PLS3: variants seen among roughly 807,000 people sequenced by gnomAD.
The protein encoded by PLS3 is plastin-3.
In PLS3, 11 loss-of-function variants were observed where a neutral mutation model predicts 46.5. That is an observed-to-expected ratio of 0.24 (90% CI 0.15 to 0.39). The LOEUF (loss-of-function observed/expected upper bound fraction) is 0.39, where lower values mean the gene tolerates loss of function less well. Ranked by LOEUF, PLS3 falls within the 10% of genes least tolerant of loss-of-function variation. PLS3 has a pLI of 1.00. For missense variants in PLS3, 308 were observed against 461.8 expected (o/e 0.67, Z 3.05); for synonymous variants, 167 against 162.2 (o/e 1.03, Z -0.22).
chrX:115,567,742 C>G (rs182772785), intron 1 of PLS3, among the ~76,000 whole-genome samples: 144 of 84,142 alleles, frequency 1.7e-3, no homozygotes, highest in African/African-American at 6.1e-3. Context: ...GTCAGGTTCT[C>G]ACTCTGTCGC....
rs782720139 is a variant in PLS3, at chrX:115,598,120, G to A, written c.-8-12123G>A. On this transcript the variant is annotated intron_variant, in intron 1 of 15. Coordinates refer to ENST00000355899, the MANE Select transcript of PLS3 (RefSeq NM_005032.7). ...GTTCAAGACCAACCTGGAGAACATG[G>A]CAAAACCCCATCTCTCCAAAAAATA... Among the ~76,000 whole-genome samples, 6 of 108,811 alleles carry A rather than the reference G, an allele frequency of 5.5e-5. No homozygotes were observed. The East Asian group carries it at 1.7e-3, about 31-fold the overall frequency. 94.5% of individuals were successfully genotyped at this position (108,811 alleles called of 115,157 possible).
intron 7 of PLS3, among the ~76,000 whole-genome samples, chrX:115,635,650 C>CA (rs10606256): frequency 0.03 from 644 of 21,414 alleles, 18 homozygotes; most frequent in Non-Finnish European, 0.048. Context: ...GACTCTGTCT[C>CA]AAAAAAAAAA....
At chrX:115,633,958 T>C in intron 5 of PLS3, 42 bp from the exon 6 acceptor site, 1 of 675,870 alleles carries the variant, frequency 1.5e-6, no homozygotes, top group Middle Eastern at 3.1e-4. Flanking sequence ...GGAAATCAGC[T>C]CTTTTTTTTT....
intron 2 of PLS3, among the ~76,000 whole-genome samples, chrX:115,613,995 G>A: frequency 9.2e-6 from 1 of 108,414 alleles, no homozygotes; most frequent in South Asian, 3.8e-4. Flanking sequence ...TTTTTGAGAC[G>A]GAGTCTCGCT....
chrX:115,601,389 TTCAGGAGATTA>T (rs1471601339), intron 1 of PLS3, among the ~76,000 whole-genome samples: 3 of 108,840 alleles, frequency 2.8e-5, no homozygotes, highest in Admixed American at 2.0e-4. Flanking sequence ...AGATCCGCTC[TTCAGGAGATTA>T]TCAGGAGATT....
chrX:115,605,512 G>A (rs1234364802), intron 1 of PLS3, among the ~76,000 whole-genome samples: 4 of 111,550 alleles, frequency 3.6e-5, no homozygotes, highest in Admixed American at 1.9e-4. Context: ...CTGGAGTGCA[G>A]TGACGTTCTC....
At chrX:115,581,111 C>T (rs895588275) in intron 1 of PLS3, among the ~76,000 whole-genome samples, 4 of 111,471 alleles carry the variant, frequency 3.6e-5, no homozygotes, top group Non-Finnish European at 7.5e-5. Context: ...TTCTAAATCA[C>T]TAATATGTTT....
intron 2 of PLS3, among the ~76,000 whole-genome samples, chrX:115,617,393 C>A (rs1433991994): frequency 9.0e-6 from 1 of 111,553 alleles, no homozygotes; most frequent in African/African-American, 3.3e-5. Flanking sequence ...AGGGATATTT[C>A]TGTCAAGTTT....
chrX:115,580,753 G>GT (rs2074275368), intron 1 of PLS3, among the ~76,000 whole-genome samples: 2 of 112,430 alleles, frequency 1.8e-5, no homozygotes. Context: ...CATATGTAAT[G>GT]TTAATAAAGT....
In PLS3 at chrX:115,643,523, C is replaced by CA; in HGVS notation, c.1183+17dup. ...TCTATTAGAAGGTAACTAAAAACCT[C>CA]AATTTCGAATGTGTGGGACTATAGA... On this transcript the variant is annotated intron_variant, in intron 10 of 15. Transcript: ENST00000355899. 9.8e-7 allele frequency: 1 copy of CA among 1,015,336 alleles called. No homozygotes were observed. Among genetic ancestry groups the CA allele is most frequent in the Non-Finnish European group, 1.4e-6 (1 of 719,188 alleles). 83.7% of individuals were successfully genotyped at this position (1,015,336 alleles called of 1,213,427 possible).
At chrX:115,614,309 A>G in intron 2 of PLS3, 1 of 753,374 alleles carries the variant, frequency 1.3e-6, no homozygotes, top group Non-Finnish European at 1.6e-6. Context: ...CAGCAGGGGA[A>G]AAATGATGGC....
chrX:115,566,457 C>T (rs1311047997), intron 1 of PLS3, among the ~76,000 whole-genome samples: 2 of 109,718 alleles, frequency 1.8e-5, no homozygotes, highest in Admixed American at 9.7e-5. Context: ...GCCGTGATCT[C>T]GGCTCACTGC....
At chrX:115,622,207 T>A (rs2074662582) in intron 2 of PLS3, 39 bp from the exon 3 acceptor site, 1 of 1,119,201 alleles carries the variant, frequency 8.9e-7, no homozygotes. Flanking sequence ...TGTCTTTCAA[T>A]TTTTTTTCCT....
At chrX:115,605,976 T>C (rs1556635233) in intron 1 of PLS3, among the ~76,000 whole-genome samples, 2 of 108,381 alleles carry the variant, frequency 1.8e-5, no homozygotes, top group African/African-American at 6.7e-5. Context: ...ATAGCAGATG[T>C]CTAAAATATT....
rs781990191 is a variant in PLS3 at position 115,579,100 on chromosome X, ATCTGT to A, written c.-9+17844_-9+17848del. On this transcript the variant is annotated intron_variant, in intron 1 of 15. Coordinates refer to ENST00000355899, the MANE Select transcript of PLS3 (RefSeq NM_005032.7). ...CATTTTTGACCCCAGGAAACCACTAATCTGTTCTCCATGTCTATAATTTTGTCATT... is the reference window on the plus strand; with the variant it reads ...CATTTTTGACCCCAGGAAACCACTAATCTCCATGTCTATAATTTTGTCATT... 2.3e-4 allele frequency among the ~76,000 whole-genome samples: 26 copies of A among 111,743 alleles called. No homozygotes were observed. The South Asian group carries it at 9.5e-3, about 41-fold the overall frequency.
Position 115,635,039 on chromosome X carries a change from G to A in PLS3, c.741G>A (p.Arg247=). The A allele has an allele frequency of 1.7e-6, 2 of 1,203,142 alleles. No individual in the cohort carries two copies. Among genetic ancestry groups the A allele is most frequent in the Non-Finnish European group, 2.2e-6 (2 of 890,761 alleles). The part of the protein sequence containing the change: ...IGLFADIELS[R]NEALAALLRD... ...TGTTCGCTGACATTGAATTAAGCAG[G>A]AATGAAGGTAATGGAACACAGTCAT... The change falls in exon 7 of 16, where the codon AGG becomes AGA. Residue 247 remains arginine (R), a synonymous_variant. Transcript: ENST00000355899.
chrX:115,635,112 G>C, intron 7 of PLS3, 66 bp downstream of exon 7: 1 of 961,806 alleles, frequency 1.0e-6, no homozygotes, highest in Non-Finnish European at 1.5e-6. Flanking sequence ...GCAGACTTTC[G>C]TGCTCTCACT....
intron 5 of PLS3, 131 bp from the exon 6 acceptor site, chrX:115,633,869 T>C: frequency 2.1e-6 from 1 of 474,810 alleles, no homozygotes; most frequent in Non-Finnish European, 3.7e-6. Flanking sequence ...GTCATCTAGC[T>C]GCATTTTTTA....
chrX:115,643,254 G>C (rs1442302353), intron 9 of PLS3, 59 bp from the exon 10 acceptor site: 2 of 751,404 alleles, frequency 2.7e-6, no homozygotes, highest in African/African-American at 4.2e-5. Flanking sequence ...TGACAGTGGG[G>C]AAATTTTCTA....
Sources: gnomAD v4.1 joint callset for allele counts (sites outside exome capture counted in the v4.1 genomes callset) on GRCh38, gnomAD v4.1.1 for gene constraint, MANE v1.5 for transcripts, NCBI Gene and HGNC (gene_info 2026-07-23, HGNC 2026-07-21) for gene names.